KCNMB2: variants seen among roughly 807,000 people sequenced by gnomAD.
The protein encoded by KCNMB2 is calcium-activated potassium channel subunit beta-2.
Under a neutral mutation model 24.5 loss-of-function variants are expected in KCNMB2, and 9 were observed. The observed-to-expected ratio is 0.37, with a 90% CI of 0.22 to 0.64. The LOEUF (loss-of-function observed/expected upper bound fraction) is 0.64. KCNMB2 is among the 30% of genes least tolerant of loss of function. The pLI is 0.63. For missense variants in KCNMB2, 226 were observed against 284.3 expected (o/e 0.79, Z 1.47); for synonymous variants, 109 against 104.4 (o/e 1.04, Z -0.27).
In KCNMB2 at chr3:178,571,471, T is replaced by C. The variant is rs1006569206; in HGVS notation, c.-68+34760T>C. Among the ~76,000 whole-genome samples, 32 of 137,988 alleles carry C rather than the reference T, an allele frequency of 2.3e-4. 1 individual carries two copies. The Admixed American group carries it at 2.5e-3, about 11-fold the overall frequency. 90.5% of individuals were successfully genotyped at this position (137,988 alleles called of 152,430 possible). A position where few individuals can be genotyped will look rare whatever the true frequency, so the allele number is the denominator to read the frequency against. ...GGATATATATATATATATATATATATATATATATATATATACTTTTTTCTG... is the reference window on the plus strand; with the variant it reads ...GGATATATATATATATATATATATACATATATATATATATACTTTTTTCTG... On this transcript the variant is annotated intron_variant, in intron 1 of 4. Coordinates refer to ENST00000452583, the MANE Select transcript of KCNMB2 (RefSeq NM_181361.3).
intron 2 of KCNMB2, among the ~76,000 whole-genome samples, chr3:178,809,236 T>C (rs1025535432): frequency 6.6e-6 from 1 of 152,182 alleles, no homozygotes; most frequent in Admixed American, 6.5e-5. Flanking sequence ...AGGAATATTG[T>C]AACTGTCAAC....
At chr3:178,738,399 C>T (rs1329485752) in intron 1 of KCNMB2, among the ~76,000 whole-genome samples, 9 of 152,160 alleles carry the variant, frequency 5.9e-5, no homozygotes, top group African/African-American at 2.2e-4. Flanking sequence ...CATGTGACTC[C>T]CTTGCTTAAA....
chr3:178,568,650 C>T (rs969210568), intron 1 of KCNMB2, among the ~76,000 whole-genome samples: 2 of 150,894 alleles, frequency 1.3e-5, no homozygotes, highest in Non-Finnish European at 3.0e-5. Flanking sequence ...TCATAACCAG[C>T]ACTTTTCCAG....
intron 1 of KCNMB2, among the ~76,000 whole-genome samples, chr3:178,702,318 A>G (rs1343140722): frequency 6.7e-6 from 1 of 149,598 alleles, no homozygotes; most frequent in African/African-American, 2.5e-5. Flanking sequence ...GCGTTAGGAG[A>G]TATACCTAAT....
At chr3:178,733,528 T>C (rs754783789) in intron 1 of KCNMB2, among the ~76,000 whole-genome samples, 1 of 152,298 alleles carries the variant, frequency 6.6e-6, no homozygotes, top group Non-Finnish European at 1.5e-5. Flanking sequence ...TCGCCCAGGC[T>C]GGAGGGCAAT....
intron 1 of KCNMB2, among the ~76,000 whole-genome samples, chr3:178,693,912 A>G (rs1721775300): frequency 7.1e-6 from 1 of 141,496 alleles, no homozygotes; most frequent in Non-Finnish European, 1.5e-5. Flanking sequence ...TTTAGTTAGT[A>G]GACTATTTAT....
intron 1 of KCNMB2, among the ~76,000 whole-genome samples, chr3:178,794,919 T>G (rs139357950): frequency 6.6e-6 from 1 of 152,270 alleles, no homozygotes; most frequent in Non-Finnish European, 1.5e-5. Context: ...TGGCAAGTCA[T>G]GCCTGGCTAT....
chr3:178,768,151 C>T lies in KCNMB2; in HGVS notation c.-67-39192C>T, dbSNP rs375973945. ...TTAGCAAATATTTTCTAGGTACTTG[C>T]TGTGCTCCTGGACATAAAATCTTGA... On this transcript the variant is annotated intron_variant, in intron 1 of 4. Transcript: ENST00000452583. Among the ~76,000 whole-genome samples the T allele has an allele frequency of 3.8e-4, 58 of 152,230 alleles. 1 individual carries two copies. In the South Asian group the frequency reaches 0.011, roughly 29 times the overall value.
At chr3:178,556,779 GA>G (rs1417400973) in intron 1 of KCNMB2, among the ~76,000 whole-genome samples, 1 of 152,196 alleles carries the variant, frequency 6.6e-6, no homozygotes, top group African/African-American at 2.4e-5. Flanking sequence ...GAGGCCAAAG[GA>G]AGAGCGAATT....
At chr3:178,551,835 CA>C (rs1311777573) in intron 1 of KCNMB2, among the ~76,000 whole-genome samples, 1 of 152,132 alleles carries the variant, frequency 6.6e-6, no homozygotes, top group Non-Finnish European at 1.5e-5. Flanking sequence ...TTGTAGATGG[CA>C]AAGCCAATAT....
At chr3:178,800,811 G>C (rs1713745230) in intron 1 of KCNMB2, among the ~76,000 whole-genome samples, 1 of 152,102 alleles carries the variant, frequency 6.6e-6, no homozygotes. Context: ...TAAAGAAAAT[G>C]TGGTACATAT....
intron 1 of KCNMB2, among the ~76,000 whole-genome samples, chr3:178,766,038 T>C (rs1211101652): frequency 6.6e-6 from 1 of 152,100 alleles, no homozygotes. Flanking sequence ...TAACCAAATG[T>C]TTTTCTACCT....
chr3:178,608,456 G>A (rs942262128), intron 1 of KCNMB2, among the ~76,000 whole-genome samples: 3 of 151,998 alleles, frequency 2.0e-5, no homozygotes, highest in African/African-American at 7.3e-5. Context: ...TTTTGATAGA[G>A]GCATGCAGCA....
rs115442533 is a variant in KCNMB2, at chr3:178,679,763, G to T, written c.-67-127580G>T. Among the ~76,000 whole-genome samples the T allele has an allele frequency of 1.1e-4, 16 of 152,092 alleles. No individual in the cohort carries two copies. The South Asian group carries it at 1.2e-3, about 12-fold the overall frequency. On this transcript the variant is annotated intron_variant, in intron 1 of 4. Transcript: ENST00000452583. ...TTGGTTAAAATAAAGATGCCCAAAG[G>T]CCTGGAAAGAATTAACAGAGACATT... is the stretch of plus-strand genomic sequence containing the variant.
chr3:178,649,982 C>T (rs9835714), intron 1 of KCNMB2, among the ~76,000 whole-genome samples: 78,730 of 151,942 alleles, frequency 0.52, 21,090 homozygotes, highest in African/African-American at 0.67. Flanking sequence ...GGGCATTTAG[C>T]GCTATAAATT....
At chr3:178,629,149 T>C (rs897841339) in intron 1 of KCNMB2, among the ~76,000 whole-genome samples, 4 of 152,212 alleles carry the variant, frequency 2.6e-5, no homozygotes, top group Non-Finnish European at 4.4e-5. Flanking sequence ...TCCAAACTTC[T>C]ATTCTTTCAC....
At chr3:178,785,421 A>C (rs1713061510) in intron 1 of KCNMB2, among the ~76,000 whole-genome samples, 1 of 152,002 alleles carries the variant, frequency 6.6e-6, no homozygotes, top group Non-Finnish European at 1.5e-5. Flanking sequence ...GCCATACAGA[A>C]TGACAGTGAG....
At chr3:178,610,314 G>A (rs1399746683) in intron 1 of KCNMB2, among the ~76,000 whole-genome samples, 2 of 151,956 alleles carry the variant, frequency 1.3e-5, no homozygotes, top group African/African-American at 4.8e-5. Context: ...AAAAATATTG[G>A]TATTTTGAAT....
In KCNMB2 at chr3:178,759,185, C is replaced by A. The variant is rs1430533996; in HGVS notation, c.-67-48158C>A. ...CCAAGAGGGATACATATATATATATCTATCTCCAAGAGGGATATATATATA... is the reference window on the plus strand; with the variant it reads ...CCAAGAGGGATACATATATATATATATATCTCCAAGAGGGATATATATATA... On this transcript the variant is annotated intron_variant, in intron 1 of 4. Transcript: ENST00000452583. Among the ~76,000 whole-genome samples the A allele has an allele frequency of 3.4e-4, 27 of 80,540 alleles. 2 individuals are homozygous for A. Among genetic ancestry groups the A allele is most frequent in the African/African-American group, 1.1e-3 (22 of 20,052 alleles). The allele number at this position is 80,540 out of a possible 152,430, so 52.8% of individuals were successfully genotyped here. A position where few individuals can be genotyped will look rare whatever the true frequency, so the allele number is the denominator to read the frequency against.
Sources: allele counts gnomAD v4.1 joint callset (sites outside exome capture counted in the v4.1 genomes callset), GRCh38; gene constraint gnomAD v4.1.1; transcripts MANE v1.5; gene names NCBI Gene and HGNC (gene_info 2026-07-23, HGNC 2026-07-21).